The following CDH9 variants were observed in gnomAD, a reference collection of about 807,000 sequenced individuals.
CDH9 encodes the protein cadherin 9, also known as cadherin-9.
CDH9 carries 28 observed loss-of-function variants against 70.9 expected under a neutral mutation model. The observed-to-expected ratio is 0.40, with a 90% CI of 0.29 to 0.54. The LOEUF (loss-of-function observed/expected upper bound fraction) is 0.54. Ranked by LOEUF, CDH9 falls within the 20% of genes least tolerant of loss-of-function variation. CDH9 has a pLI of 0.59. For missense variants in CDH9, 874 were observed against 984.4 expected (o/e 0.89, Z 1.50); for synonymous variants, 409 against 343.1 (o/e 1.19, Z -2.12).
chr5:26,930,671 T>C (rs903394306), intron 2 of CDH9, among the ~76,000 whole-genome samples: 3 of 152,136 alleles, frequency 2.0e-5, no homozygotes, highest in Non-Finnish European at 4.4e-5. Flanking sequence ...TTTTAACCTG[T>C]TATTAATTGC....
chr5:27,030,297 C>A (rs192287980), intron 1 of CDH9, among the ~76,000 whole-genome samples: 104 of 151,866 alleles, frequency 6.8e-4, no homozygotes, highest in Admixed American at 2.0e-3. Context: ...ATACATTGAT[C>A]CATTTTTATT....
intron 2 of CDH9, among the ~76,000 whole-genome samples, chr5:26,955,006 G>C (rs1419158575): frequency 6.6e-6 from 1 of 152,104 alleles, no homozygotes; most frequent in Non-Finnish European, 1.5e-5. Context: ...CTACACACCA[G>C]CCTGGCAACA....
At chr5:27,020,760 T>C (rs1743125641) in intron 1 of CDH9, among the ~76,000 whole-genome samples, 1 of 151,344 alleles carries the variant, frequency 6.6e-6, no homozygotes, top group Non-Finnish European at 1.5e-5. Flanking sequence ...TATATATATA[T>C]ATATGCCTAG....
intron 2 of CDH9, among the ~76,000 whole-genome samples, chr5:26,980,027 C>A (rs1269402977): frequency 2.0e-5 from 3 of 151,860 alleles, no homozygotes; most frequent in East Asian, 1.9e-4. Flanking sequence ...TCCTAAAATT[C>A]TTTTCCTAAG....
intron 1 of CDH9, among the ~76,000 whole-genome samples, chr5:27,035,928 T>C (rs935369171): frequency 6.6e-6 from 1 of 151,884 alleles, no homozygotes; most frequent in Admixed American, 6.6e-5. Flanking sequence ...CTAGACTGTT[T>C]ACTTTCATAG....
chr5:26,902,934 G>A (rs1740882549), intron 6 of CDH9: 1 of 474,524 alleles, frequency 2.1e-6, no homozygotes, highest in Non-Finnish European at 3.7e-6. Context: ...TAATATAATG[G>A]CATACACATT....
chr5:26,963,839 C>G (rs576325402), intron 2 of CDH9, among the ~76,000 whole-genome samples: 1 of 152,052 alleles, frequency 6.6e-6, no homozygotes, highest in South Asian at 2.1e-4. Flanking sequence ...GAAAATGTAT[C>G]TTTAATTGGA....
At chr5:26,901,719 A>G (rs1238590521) in intron 7 of CDH9, among the ~76,000 whole-genome samples, 1 of 151,802 alleles carries the variant, frequency 6.6e-6, no homozygotes, top group African/African-American at 2.4e-5. Flanking sequence ...CCATGCATTA[A>G]TCTATATATG....
At chr5:26,928,619 T>G (rs371572107) in intron 2 of CDH9, among the ~76,000 whole-genome samples, 1 of 151,942 alleles carries the variant, frequency 6.6e-6, no homozygotes, top group African/African-American at 2.4e-5. Context: ...GTAACCAGAA[T>G]AGCTTCGTAC....
chr5:26,928,984 G>A (rs1334711772), intron 2 of CDH9, among the ~76,000 whole-genome samples: 1 of 151,852 alleles, frequency 6.6e-6, no homozygotes, highest in Non-Finnish European at 1.5e-5. Context: ...AAGCAAAAAT[G>A]GATGAATGGG....
chr5:26,947,492 C>G (rs1161297253), intron 2 of CDH9, among the ~76,000 whole-genome samples: 2 of 152,156 alleles, frequency 1.3e-5, no homozygotes, highest in African/African-American at 4.8e-5. Flanking sequence ...GCAGAGACCT[C>G]TTGAGTTTTT....
intron 2 of CDH9, among the ~76,000 whole-genome samples, chr5:26,931,330 G>A (rs1741458739): frequency 6.6e-6 from 1 of 152,128 alleles, no homozygotes. Flanking sequence ...CCACAGAGAA[G>A]AGCCCAATCA....
intron 2 of CDH9, among the ~76,000 whole-genome samples, chr5:26,932,921 A>C (rs909260952): frequency 6.6e-6 from 1 of 150,442 alleles, no homozygotes; most frequent in African/African-American, 2.4e-5. Context: ...AAGCAAATTA[A>C]TTATAATTTA....
At chr5:26,899,768 A>G (rs907543510) in intron 7 of CDH9, among the ~76,000 whole-genome samples, 1 of 152,084 alleles carries the variant, frequency 6.6e-6, no homozygotes, top group African/African-American at 2.4e-5. Flanking sequence ...TACCTAATGT[A>G]GATGACGGTT....
chr5:26,955,177 C>T (rs1405300605), intron 2 of CDH9, among the ~76,000 whole-genome samples: 2 of 152,004 alleles, frequency 1.3e-5, no homozygotes, highest in South Asian at 2.1e-4. Context: ...AATATTGGAC[C>T]CCACTATCTG....
At chr5:26,933,664 C>T (rs1051109672) in intron 2 of CDH9, among the ~76,000 whole-genome samples, 2 of 151,832 alleles carry the variant, frequency 1.3e-5, no homozygotes, top group Admixed American at 1.3e-4. Context: ...GTCCCAACTG[C>T]TTGGGAGGTT....
In CDH9 at chr5:26,915,825, T is replaced by C; in HGVS notation, c.328A>G (p.Ile110Val). ...LFVIDENTGD[I>V]HAAKKLDREE... ...CTGTCTAGTTTCTTTGCAGCATGAA[T>C]GTCTCCTGTATTTTCATCTATAACA... is the stretch of plus-strand genomic sequence containing the variant. Residue 110 changes from isoleucine (I) to valine (V), a missense_variant, in exon 3 of 12, where the codon ATT becomes GTT. Coordinates refer to ENST00000231021, the MANE Select transcript of CDH9 (RefSeq NM_016279.4). 1 of 1,613,290 alleles carries C rather than the reference T, an allele frequency of 6.2e-7. No homozygotes were observed. Among genetic ancestry groups the C allele is most frequent in the Non-Finnish European group, 8.5e-7 (1 of 1,179,268 alleles).
chr5:26,927,072 A>T (rs767584769), intron 2 of CDH9, among the ~76,000 whole-genome samples: 52 of 152,044 alleles, frequency 3.4e-4, no homozygotes, highest in Admixed American at 1.3e-3. Flanking sequence ...AGTGGGGTTT[A>T]TTCCTGGGAT....
intron 2 of CDH9, among the ~76,000 whole-genome samples, chr5:26,976,007 TTTG>T (rs1742298281): frequency 6.6e-6 from 1 of 152,190 alleles, no homozygotes; most frequent in South Asian, 2.1e-4. Context: ...GCCCAACTGT[TTTG>T]TTGTTGTCTA....
Sources: gnomAD v4.1 joint callset for allele counts (sites outside exome capture counted in the v4.1 genomes callset) on GRCh38, gnomAD v4.1.1 for gene constraint, MANE v1.5 for transcripts, NCBI Gene and HGNC (gene_info 2026-07-23, HGNC 2026-07-21) for gene names.